Variants in TMTC2 observed in about 807,000 individuals in gnomAD.
TMTC2 encodes protein O-mannosyl-transferase TMTC2.
Under a neutral mutation model 82.4 loss-of-function variants are expected in TMTC2, and 43 were observed. That is an observed-to-expected ratio of 0.52 (90% CI 0.41 to 0.67). The LOEUF (loss-of-function observed/expected upper bound fraction) is 0.67. Ranked by LOEUF, TMTC2 falls within the 30% of genes least tolerant of loss-of-function variation. The pLI, the probability that TMTC2 is intolerant of heterozygous loss-of-function variation, is 0.00. For missense variants in TMTC2, 919 were observed against 1,012.4 expected, an observed-to-expected ratio of 0.91 and a Z score of 1.25; for synonymous variants, 408 against 381.9, an observed-to-expected ratio of 1.07 and a Z score of -0.80.
intron 1 of TMTC2, among the ~76,000 whole-genome samples, chr12:82,717,591 A>G (rs1049259167): frequency 6.6e-6 from 1 of 152,152 alleles, no homozygotes. Context: ...ACTTAACTTG[A>G]ACAAATAAAA....
intron 2 of TMTC2, among the ~76,000 whole-genome samples, chr12:82,881,591 C>T (rs921394886): frequency 2.0e-5 from 3 of 152,164 alleles, no homozygotes; most frequent in Non-Finnish European, 4.4e-5. Context: ...TGAAAAACTT[C>T]TTAATATTTT....
At chr12:83,063,114 T>G (rs1388132280) in intron 11 of TMTC2, among the ~76,000 whole-genome samples, 1 of 151,788 alleles carries the variant, frequency 6.6e-6, no homozygotes, top group African/African-American at 2.4e-5. Flanking sequence ...GAAGTATGAT[T>G]AGAAGACAAA....
At chr12:82,805,662 C>T (rs1296738776) in intron 1 of TMTC2, among the ~76,000 whole-genome samples, 2 of 151,894 alleles carry the variant, frequency 1.3e-5, no homozygotes, top group East Asian at 3.9e-4. Context: ...CACCTGGCAC[C>T]ACGCCCGGCT....
chr12:82,991,322 C>G (rs933062887), intron 8 of TMTC2, among the ~76,000 whole-genome samples: 6 of 152,012 alleles, frequency 3.9e-5, no homozygotes, highest in Admixed American at 6.6e-5. Flanking sequence ...TAGTAAGTTA[C>G]AAGTTATTTA....
intron 1 of TMTC2, among the ~76,000 whole-genome samples, chr12:82,769,123 C>T (rs977927043): frequency 2.0e-5 from 3 of 151,152 alleles, no homozygotes; most frequent in Non-Finnish European, 2.9e-5. Context: ...TTCCCTCAGG[C>T]GCATCAATTC....
At chr12:82,846,175 A>G (rs1870662374) in intron 1 of TMTC2, among the ~76,000 whole-genome samples, 1 of 152,024 alleles carries the variant, frequency 6.6e-6, no homozygotes, top group African/African-American at 2.4e-5. Context: ...CCTGGCCAAC[A>G]TGGTGAAACC....
intron 8 of TMTC2, among the ~76,000 whole-genome samples, chr12:83,003,571 T>C (rs1880019620): frequency 6.6e-6 from 1 of 152,208 alleles, no homozygotes; most frequent in Non-Finnish European, 1.5e-5. Flanking sequence ...ATCTCCATGT[T>C]TAGTACTCCC....
chr12:83,051,262 T>C (rs899089951), intron 10 of TMTC2, among the ~76,000 whole-genome samples: 1 of 152,176 alleles, frequency 6.6e-6, no homozygotes, highest in African/African-American at 2.4e-5. Flanking sequence ...TCATAAACTT[T>C]CTTTAAACAT....
chr12:82,746,912 G>T (rs1875722249), intron 1 of TMTC2, among the ~76,000 whole-genome samples: 1 of 152,190 alleles, frequency 6.6e-6, no homozygotes, highest in Non-Finnish European at 1.5e-5. Flanking sequence ...AGGAAATAAG[G>T]ACATCAGTCT....
At chr12:83,045,318 T>C (rs1469788572) in intron 9 of TMTC2, among the ~76,000 whole-genome samples, 1 of 152,180 alleles carries the variant, frequency 6.6e-6, no homozygotes, top group Non-Finnish European at 1.5e-5. Context: ...ATAATTAAGA[T>C]GATAATAAGC....
chr12:82,957,041 A>G (rs1340257960), intron 4 of TMTC2, among the ~76,000 whole-genome samples: 1 of 152,166 alleles, frequency 6.6e-6, no homozygotes, highest in Non-Finnish European at 1.5e-5. Context: ...ACTGATAGAT[A>G]TCTATAGAAT....
chr12:82,841,940 G>A (rs1051533225), intron 1 of TMTC2, among the ~76,000 whole-genome samples: 1 of 152,096 alleles, frequency 6.6e-6, no homozygotes, highest in African/African-American at 2.4e-5. Flanking sequence ...AAAGAATATG[G>A]TACAAAAGTG....
At chr12:82,691,366 T>C (rs1413506773) in intron 1 of TMTC2, among the ~76,000 whole-genome samples, 1 of 152,164 alleles carries the variant, frequency 6.6e-6, no homozygotes, top group African/African-American at 2.4e-5. Context: ...ACAGCAGAAG[T>C]TTCTACTATG....
intron 1 of TMTC2, among the ~76,000 whole-genome samples, chr12:82,781,597 C>G (rs1877911520): frequency 6.6e-6 from 1 of 151,600 alleles, no homozygotes; most frequent in Non-Finnish European, 1.5e-5. Flanking sequence ...TTTGTTGTTT[C>G]TCCAGGACAG....
chr12:83,075,038 T>C (rs1434439697), intron 11 of TMTC2, among the ~76,000 whole-genome samples: 1 of 152,182 alleles, frequency 6.6e-6, no homozygotes, highest in Non-Finnish European at 1.5e-5. Context: ...CCGAGCGAGC[T>C]CCCAGGGCCT....
Position 82,717,945 on chromosome 12 carries a change from G to A in TMTC2, c.83+30276G>A, listed in dbSNP as rs190869195. On this transcript the variant is annotated intron_variant, in intron 1 of 11. Coordinates refer to ENST00000321196, the MANE Select transcript of TMTC2 (RefSeq NM_152588.3). ...TAATTAAAACAATTAAAAAGGAGTT[G>A]GCAACAGTGGTCTTATATCCATGAA... 5.9e-5 allele frequency among the ~76,000 whole-genome samples: 9 copies of A among 152,200 alleles called. No homozygotes were observed. In the East Asian group the frequency reaches 1.5e-3, roughly 26 times the overall value.
At chr12:82,750,566 G>A (rs949129360) in intron 1 of TMTC2, among the ~76,000 whole-genome samples, 2 of 152,102 alleles carry the variant, frequency 1.3e-5, no homozygotes, top group African/African-American at 2.4e-5. Context: ...AAAACCTAAC[G>A]GTAAGTGCTT....
At chr12:82,808,532 A>G (rs998095295) in intron 1 of TMTC2, among the ~76,000 whole-genome samples, 1 of 152,124 alleles carries the variant, frequency 6.6e-6, no homozygotes, top group Admixed American at 6.6e-5. Flanking sequence ...AACATTAAAT[A>G]AATTAATCAT....
intron 8 of TMTC2, among the ~76,000 whole-genome samples, chr12:82,998,195 A>G (rs889780800): frequency 6.6e-6 from 1 of 152,158 alleles, no homozygotes; most frequent in African/African-American, 2.4e-5. Flanking sequence ...ACTAAAAAAG[A>G]GTGTGATTCA....
Sources: allele counts gnomAD v4.1 joint callset (sites outside exome capture counted in the v4.1 genomes callset), GRCh38; gene constraint gnomAD v4.1.1; transcripts MANE v1.5; gene names NCBI Gene and HGNC (gene_info 2026-07-23, HGNC 2026-07-21).